NECTIN3: variants seen among roughly 807,000 people sequenced by gnomAD.
NECTIN3 encodes the protein nectin cell adhesion molecule 3.
Under a neutral mutation model 49.4 loss-of-function variants are expected in NECTIN3, and 8 were observed. The ratio of observed to expected loss-of-function variants is 0.16; its 90% confidence interval spans 0.10 to 0.29. The LOEUF (loss-of-function observed/expected upper bound fraction) is 0.29. Ranked by LOEUF, NECTIN3 falls within the 10% of genes least tolerant of loss-of-function variation. The pLI is 1.00. For missense variants in NECTIN3, 581 were observed against 654.6 expected (o/e 0.89, Z 1.23); for synonymous variants, 277 against 241.1 (o/e 1.15, Z -1.38).
intron 1 of NECTIN3, among the ~76,000 whole-genome samples, chr3:111,100,045 T>A (rs961064253): frequency 2.6e-5 from 4 of 152,150 alleles, no homozygotes; most frequent in East Asian, 3.9e-4. Context: ...TGCTTTTTTT[T>A]ATTCCATTTT....
At chr3:111,165,070 A>G (rs1395439809) in intron 7 of NECTIN3, among the ~76,000 whole-genome samples, 1 of 151,876 alleles carries the variant, frequency 6.6e-6, no homozygotes, top group African/African-American at 2.4e-5. Flanking sequence ...TTTTTGAGAC[A>G]GAGTCTCGCT....
At chr3:111,144,266 G>A (rs1385130542) in intron 5 of NECTIN3, among the ~76,000 whole-genome samples, 1 of 151,982 alleles carries the variant, frequency 6.6e-6, no homozygotes, top group Admixed American at 6.6e-5. Flanking sequence ...CTATGGCCAG[G>A]AGATAGGAAG....
At chr3:111,106,921 G>C (rs959792112) in intron 1 of NECTIN3, among the ~76,000 whole-genome samples, 1 of 151,982 alleles carries the variant, frequency 6.6e-6, no homozygotes, top group African/African-American at 2.4e-5. Context: ...TGCCATTACT[G>C]TAGGCTGAGA....
At chr3:111,118,248 CTATATATATATATATATATATATATATA>C (rs34878535) in intron 2 of NECTIN3, among the ~76,000 whole-genome samples, 1 of 78,002 alleles carries the variant, frequency 1.3e-5, no homozygotes, top group East Asian at 4.0e-4. Context: ...TAAAATGAAG[CTATATATATATATATATATATATATATA>C]TATATATTAT....
intron 1 of NECTIN3, among the ~76,000 whole-genome samples, chr3:111,076,256 T>A (rs1347156040): frequency 6.6e-6 from 1 of 152,124 alleles, no homozygotes; most frequent in Non-Finnish European, 1.5e-5. Context: ...GGAAGCTGGT[T>A]ATGAAAATCC....
At chr3:111,146,723 G>A (rs545453589) in intron 6 of NECTIN3, among the ~76,000 whole-genome samples, 13 of 152,044 alleles carry the variant, frequency 8.6e-5, no homozygotes, top group African/African-American at 3.1e-4. Context: ...TGTTATCTGT[G>A]ATCTTCAAAA....
rs2034553037 is a variant in NECTIN3 at position 111,135,740 on chromosome 3, A to G, written c.*1525A>G. ...AATATTCATCAAATCTAAAACATTT[A>G]GGGGGCAAAATTCTAACATGTTCAT... On this transcript the variant is annotated 3_prime_UTR_variant, in exon 6 of 6. Coordinates refer to ENST00000485303, the MANE Select transcript of NECTIN3 (RefSeq NM_015480.3). The G allele has an allele frequency of 6.2e-6, 6 of 962,382 alleles. No homozygotes were observed. In the South Asian group the frequency reaches 2.9e-4, roughly 46 times the overall value. 59.6% of individuals were successfully genotyped at this position (962,382 alleles called of 1,614,324 possible). A position where few individuals can be genotyped will look rare whatever the true frequency, so the allele number is the denominator to read the frequency against.
At chr3:111,159,565 A>G (rs2035167606) in intron 7 of NECTIN3, among the ~76,000 whole-genome samples, 1 of 152,156 alleles carries the variant, frequency 6.6e-6, no homozygotes, top group Non-Finnish European at 1.5e-5. Context: ...GAGAGTTGTC[A>G]GGGCAGCACA....
intron 1 of NECTIN3, chr3:111,072,706 C>A: frequency 2.3e-6 from 2 of 880,726 alleles, no homozygotes; most frequent in Non-Finnish European, 3.4e-6. Context: ...TTTCTTCTGT[C>A]TTGTGCCCAC....
chr3:111,189,486 T>A (rs2107537735), upstream of NECTIN3, among the ~76,000 whole-genome samples: 1 of 152,314 alleles, frequency 6.6e-6, no homozygotes, highest in East Asian at 1.9e-4. Context: ...TTAACTCTTC[T>A]CATGGCTTAG....
chr3:111,115,707 T>C (rs981698973), intron 2 of NECTIN3, among the ~76,000 whole-genome samples: 1 of 152,182 alleles, frequency 6.6e-6, no homozygotes, highest in African/African-American at 2.4e-5. Flanking sequence ...TTTTGATCAA[T>C]TGAAATGAAG....
At chr3:111,072,345 T>C in intron 1 of NECTIN3, 168 bp downstream of exon 1, 2 of 1,449,038 alleles carry the variant, frequency 1.4e-6, no homozygotes, top group South Asian at 1.4e-5. Flanking sequence ...GGCGAGGCCC[T>C]GGAAGGGCCA....
intron 1 of NECTIN3, among the ~76,000 whole-genome samples, chr3:111,089,435 A>G (rs756310126): frequency 6.7e-6 from 1 of 149,492 alleles, no homozygotes; most frequent in African/African-American, 2.5e-5. Flanking sequence ...GTGTGTATGT[A>G]TATAAACATA....
At chr3:111,173,152 A>C (rs994501122) in intron 7 of NECTIN3, among the ~76,000 whole-genome samples, 1 of 152,206 alleles carries the variant, frequency 6.6e-6, no homozygotes, top group Admixed American at 6.5e-5. Flanking sequence ...TCCTATTCCA[A>C]GATCATGTCA....
chr3:111,126,859 G>A (rs1040839766), intron 5 of NECTIN3, among the ~76,000 whole-genome samples: 1 of 152,052 alleles, frequency 6.6e-6, no homozygotes, highest in African/African-American at 2.4e-5. Flanking sequence ...TAAAATTTGT[G>A]ATGTTTTTTA....
At chr3:111,129,462 A>G (rs887579130) in intron 5 of NECTIN3, among the ~76,000 whole-genome samples, 1 of 152,174 alleles carries the variant, frequency 6.6e-6, no homozygotes, top group Non-Finnish European at 1.5e-5. Flanking sequence ...GATGTTTAGC[A>G]TATGATAGAC....
chr3:111,111,821 A>G (rs1172315037), intron 1 of NECTIN3, among the ~76,000 whole-genome samples: 5 of 151,778 alleles, frequency 3.3e-5, no homozygotes, highest in Non-Finnish European at 7.4e-5. Flanking sequence ...AGCCCAGAAA[A>G]CACCTAGTTC....
rs753490691 is a variant in NECTIN3 at position 111,112,324 on chromosome 3, C to T, written c.455C>T (p.Thr152Ile). The stretch of plus-strand genomic sequence containing the variant: ...GGAAAATACATCTGCAAAGCTGTTA[C>T]ATTCCCGCTTGGAAATGCCCAGTCC... ...DSGKYICKAV[T>I]FPLGNAQSST... Residue 152 changes from threonine (T) to isoleucine (I), a missense_variant, in exon 2 of 6, where the codon ACA (threonine) becomes ATA (isoleucine). Coordinates refer to ENST00000485303, the MANE Select transcript of NECTIN3 (RefSeq NM_015480.3). 1.9e-5 allele frequency: 31 copies of T among 1,612,864 alleles called. No homozygotes were observed. Among genetic ancestry groups the T allele is most frequent in the African/African-American group, 4.0e-5 (3 of 74,888 alleles).
chr3:111,135,060 A>G lies in NECTIN3; in HGVS notation c.*845A>G, dbSNP rs1428138919. 1 of 981,554 alleles carries G rather than the reference A, an allele frequency of 1.0e-6. No homozygotes were observed. Among genetic ancestry groups the G allele is most frequent in the Non-Finnish European group, 1.2e-6 (1 of 826,850 alleles). 60.8% of individuals were successfully genotyped at this position (981,554 alleles called of 1,614,324 possible). ...TGCTTTATGTCCTAAACATACTAATAGAAATGAAAAGACGCAGAGAGAGCA... is the reference window on the plus strand; with the variant it reads ...TGCTTTATGTCCTAAACATACTAATGGAAATGAAAAGACGCAGAGAGAGCA... On this transcript the variant is annotated 3_prime_UTR_variant, in exon 6 of 6. Transcript: ENST00000485303.
Sources: gnomAD v4.1 joint callset for allele counts (sites outside exome capture counted in the v4.1 genomes callset) on GRCh38, gnomAD v4.1.1 for gene constraint, MANE v1.5 for transcripts, NCBI Gene and HGNC (gene_info 2026-07-23, HGNC 2026-07-21) for gene names.